The following RIMS1 variants were observed in gnomAD, a reference collection of about 807,000 sequenced individuals.
RIMS1 encodes regulating synaptic membrane exocytosis protein 1.
In RIMS1, 83 loss-of-function variants were observed where a neutral mutation model predicts 214.1. The ratio of observed to expected loss-of-function variants is 0.39; its 90% CI spans 0.32 to 0.47. The LOEUF is 0.47. Ranked by LOEUF, RIMS1 falls within the 20% of genes least tolerant of loss-of-function variation. The probability of loss-of-function intolerance (pLI) is 0.99; values close to 1 mark genes in which losing one functional copy is unlikely to be tolerated. For synonymous variants in RIMS1, 793 were observed against 786.8 expected, an observed-to-expected ratio of 1.01 and a Z score of -0.13; for missense variants, 2,050 against 2,161.8, an observed-to-expected ratio of 0.95 and a Z score of 1.03.
At chr6:72,027,846 C>G (rs1192509172) in intron 2 of RIMS1, among the ~76,000 whole-genome samples, 4 of 152,020 alleles carry the variant, frequency 2.6e-5, no homozygotes, top group African/African-American at 9.7e-5. Flanking sequence ...ATTTTGGATA[C>G]TTATCTAATA....
intron 2 of RIMS1, among the ~76,000 whole-genome samples, chr6:71,988,689 T>C (rs562769614): frequency 5.3e-5 from 8 of 152,268 alleles, no homozygotes; most frequent in African/African-American, 1.9e-4. Flanking sequence ...AAACAATGGG[T>C]GAACCTAGAG....
intron 2 of RIMS1, among the ~76,000 whole-genome samples, chr6:71,992,779 T>C (rs896584907): frequency 3.3e-5 from 5 of 151,956 alleles, no homozygotes; most frequent in African/African-American, 1.2e-4. Context: ...CCCATCTCAG[T>C]GTCCCAGGTA....
chr6:72,341,969 A>C (rs546698217), intron 29 of RIMS1, among the ~76,000 whole-genome samples: 1 of 151,856 alleles, frequency 6.6e-6, no homozygotes, highest in Non-Finnish European at 1.5e-5. Flanking sequence ...ATTTTCAAAC[A>C]GTTGTCAATT....
rs367639931 is a variant in RIMS1 at position 72,248,202 on chromosome 6, G to T, written c.2241+75G>T. 392 of 846,984 alleles carry T rather than the reference G, an allele frequency of 4.6e-4. 2 individuals carry two copies. In the African/African-American group the frequency reaches 6.2e-3, roughly 13 times the overall value. The allele number at this position is 846,984 out of a possible 1,614,324, so 52.5% of individuals were successfully genotyped here. A position where few individuals can be genotyped will look rare whatever the true frequency, so the allele number is the denominator to read the frequency against. The stretch of plus-strand genomic sequence containing the variant: ...TCTGAGTCTGTCTTTAAATATGTTC[G>T]CCTTTCCTTGAAGCCTGCAATAAAT... On this transcript the variant is annotated intron_variant, in intron 12 of 33. Transcript: ENST00000521978.
intron 1 of RIMS1, among the ~76,000 whole-genome samples, chr6:71,906,623 T>A (rs1164610178): frequency 2.0e-5 from 3 of 152,082 alleles, no homozygotes. Flanking sequence ...TAGTAATAAT[T>A]ATTATGGGAT....
intron 2 of RIMS1, among the ~76,000 whole-genome samples, chr6:72,044,811 A>T (rs1481992898): frequency 6.6e-6 from 1 of 151,972 alleles, no homozygotes; most frequent in Admixed American, 6.6e-5. Context: ...TCCTTAAGTT[A>T]AATATATGTT....
intron 1 of RIMS1, among the ~76,000 whole-genome samples, chr6:71,951,963 A>T (rs945208942): frequency 6.6e-6 from 1 of 152,092 alleles, no homozygotes; most frequent in African/African-American, 2.4e-5. Context: ...TTGAATGTGG[A>T]TGTGAGGTTG....
At chr6:72,165,112 A>AT (rs1416063359) in intron 4 of RIMS1, among the ~76,000 whole-genome samples, 4 of 151,800 alleles carry the variant, frequency 2.6e-5, no homozygotes, top group African/African-American at 9.7e-5. Flanking sequence ...TTTTTTCCAT[A>AT]TTTTATGTGT....
chr6:72,028,375 T>C (rs1817138813), intron 2 of RIMS1, among the ~76,000 whole-genome samples: 1 of 152,178 alleles, frequency 6.6e-6, no homozygotes, highest in South Asian at 2.1e-4. Context: ...TATGTAGATA[T>C]TTCTTGTAAA....
At chr6:71,912,549 A>T (rs1361316164) in intron 1 of RIMS1, among the ~76,000 whole-genome samples, 3 of 152,130 alleles carry the variant, frequency 2.0e-5, no homozygotes, top group Non-Finnish European at 2.9e-5. Flanking sequence ...TTTATTTAAA[A>T]TGTCATTGCG....
chr6:72,304,816 G>A (rs1032708937), intron 26 of RIMS1, among the ~76,000 whole-genome samples: 1 of 151,896 alleles, frequency 6.6e-6, no homozygotes, highest in Non-Finnish European at 1.5e-5. Context: ...TTTTTGCTAC[G>A]AGTAAATAAT....
At chr6:72,083,829 A>G (rs1215909451) in intron 2 of RIMS1, among the ~76,000 whole-genome samples, 1 of 147,692 alleles carries the variant, frequency 6.8e-6, no homozygotes, top group African/African-American at 2.7e-5. Context: ...CAGAGTTTAA[A>G]TAACTTCCTC....
Position 72,183,085 on chromosome 6 carries a change from G to T in RIMS1, c.1614G>T (p.Val538=). Residue 538 remains valine, a synonymous_variant, in exon 6 of 34, where the codon GTG becomes GTT. Transcript: ENST00000521978. ...MSVSSSEEEG[V]STPEYTSCED... is the part of the protein sequence containing the mutation. ...TGAGCAGCTCTGAGGAGGAGGGCGT[G>T]TCGACGCCCGAGTACACCAGCTGCG... 2 of 1,591,778 alleles carry T rather than the reference G, an allele frequency of 1.3e-6. No homozygotes were observed. Among genetic ancestry groups the T allele is most frequent in the Non-Finnish European group, 1.7e-6 (2 of 1,170,234 alleles).
At position 72,039,329 on chromosome 6, in the gene RIMS1, A is replaced by G. The variant is rs574951957; in HGVS notation, c.246-57620A>G. Among the ~76,000 whole-genome samples the G allele has an allele frequency of 2.6e-5, 4 of 152,274 alleles. No individual in the cohort carries two copies. The South Asian group carries it at 8.3e-4, about 32-fold the overall frequency. ...ATGAAAAGCAAAAAATATGAGGCAT[A>G]TTTCTCTTAATCTCACAAATACAGA... On this transcript the variant is annotated intron_variant, in intron 2 of 33. Coordinates refer to ENST00000521978, the MANE Select transcript of RIMS1 (RefSeq NM_014989.7).
At chr6:72,200,351 A>T (rs1166565971) in intron 6 of RIMS1, among the ~76,000 whole-genome samples, 3 of 152,114 alleles carry the variant, frequency 2.0e-5, no homozygotes, top group South Asian at 2.1e-4. Context: ...AAAAGAGTCC[A>T]CCTGATTTCT....
At position 72,109,642 on chromosome 6, in the gene RIMS1, T is replaced by G. The variant is rs561372652; in HGVS notation, c.471+9656T>G. Among the ~76,000 whole-genome samples the G allele has an allele frequency of 3.9e-5, 6 of 152,212 alleles. No individual in the cohort carries two copies. The South Asian group carries it at 6.2e-4, about 16-fold the overall frequency. ...GTAGGTTGAGAAAATTTTCTCCCAT[T>G]TTGTAGGTTGCCTGTTCACTCTGAT... On this transcript the variant is annotated intron_variant, in intron 4 of 33. Coordinates refer to ENST00000521978, the MANE Select transcript of RIMS1 (RefSeq NM_014989.7).
chr6:72,158,971 C>T (rs1333669841), intron 4 of RIMS1, among the ~76,000 whole-genome samples: 1 of 140,160 alleles, frequency 7.1e-6, no homozygotes, highest in Admixed American at 7.3e-5. Context: ...TGAGGAATCG[C>T]CACACTGACT....
At chr6:72,137,775 C>T (rs2041526404) in intron 4 of RIMS1, among the ~76,000 whole-genome samples, 1 of 134,482 alleles carries the variant, frequency 7.4e-6, no homozygotes, top group South Asian at 2.3e-4. Context: ...CTTGCTCTGT[C>T]GCCCAGGCTG....
intron 4 of RIMS1, among the ~76,000 whole-genome samples, chr6:72,151,288 C>T (rs1006115314): frequency 5.3e-5 from 8 of 152,260 alleles, no homozygotes; most frequent in East Asian, 1.9e-4. Context: ...GTGATCCGCC[C>T]GCCTCTGCCT....
Sources: allele counts gnomAD v4.1 joint callset (sites outside exome capture counted in the v4.1 genomes callset), GRCh38; gene constraint gnomAD v4.1.1; transcripts MANE v1.5; gene names NCBI Gene and HGNC (gene_info 2026-07-23, HGNC 2026-07-21).